REDIC1: variants seen among roughly 807,000 people sequenced by gnomAD.
REDIC1 encodes regulator of DNA class I crossover intermediates 1, also known as HEI10 Interacting Protein 1.
chr12:39,828,599 G>A, the REDIC1 span, among the ~76,000 whole-genome samples: 11 of 152,114 alleles, frequency 7.2e-5, no homozygotes, highest in East Asian at 9.7e-4. Context: ...TTACTACTTA[G>A]TAGAGTTCTA....
chr12:39,700,946 TGGAAA>T, the REDIC1 span, among the ~76,000 whole-genome samples: 1 of 151,866 alleles, frequency 6.6e-6, no homozygotes, highest in South Asian at 2.1e-4. Flanking sequence ...GCACTAAACA[TGGAAA>T]GGAACAACCG....
chr12:39,704,009 G>A, the REDIC1 span, among the ~76,000 whole-genome samples: 3 of 152,154 alleles, frequency 2.0e-5, no homozygotes, highest in Admixed American at 6.5e-5. Context: ...TCAGGACATA[G>A]GCATGGGCAA....
the REDIC1 span, among the ~76,000 whole-genome samples, chr12:39,796,833 T>G: frequency 6.6e-6 from 1 of 152,256 alleles, no homozygotes; most frequent in Admixed American, 6.5e-5. Flanking sequence ...TTAATAATGA[T>G]AATGCTGCCA....
At chr12:39,895,566 A>ACC in the REDIC1 span, among the ~76,000 whole-genome samples, 1 of 137,850 alleles carries the variant, frequency 7.3e-6, no homozygotes, top group African/African-American at 2.7e-5. Context: ...ACACACACAC[A>ACC]CGTGTATATG....
At chr12:39,764,311 G>A in the REDIC1 span, 618 of 649,014 alleles carry the variant, frequency 9.5e-4, 7 homozygotes, top group Middle Eastern at 5.8e-3. Flanking sequence ...ACACATTTCC[G>A]ATGCCTTTGG....
chr12:39,847,777 T>C, the REDIC1 span, among the ~76,000 whole-genome samples: 3 of 152,184 alleles, frequency 2.0e-5, no homozygotes, highest in African/African-American at 4.8e-5. Flanking sequence ...CCTACCATGA[T>C]TCCAAGTGGT....
the REDIC1 span, chr12:39,754,322 C>A: frequency 6.6e-6 from 1 of 152,022 alleles, no homozygotes; most frequent in Admixed American, 6.6e-5. Context: ...ATTCAGGTGT[C>A]CGTTATTCAG....
chr12:39,839,151 C>T, the REDIC1 span, among the ~76,000 whole-genome samples: 3 of 152,098 alleles, frequency 2.0e-5, no homozygotes, highest in African/African-American at 7.2e-5. Flanking sequence ...TCACCAGCTT[C>T]AGCAGGTGAC....
chr12:39,654,864 C>T, the REDIC1 span, among the ~76,000 whole-genome samples: 5 of 152,136 alleles, frequency 3.3e-5, no homozygotes, highest in African/African-American at 1.2e-4. Flanking sequence ...GGCATCTGCA[C>T]ATGGACTTTT....
chr12:39,836,451 C>T, the REDIC1 span, among the ~76,000 whole-genome samples: 2 of 152,044 alleles, frequency 1.3e-5, no homozygotes, highest in South Asian at 2.1e-4. Flanking sequence ...CCCTCTCTCA[C>T]CACTCCTATT....
chr12:39,880,376 T>C, the REDIC1 span, among the ~76,000 whole-genome samples: 2 of 152,218 alleles, frequency 1.3e-5, no homozygotes, highest in East Asian at 1.9e-4. Context: ...TTTTCAAACA[T>C]ATTTTCATGT....
the REDIC1 span, chr12:39,626,496 G>GT: frequency 9.0e-7 from 1 of 1,109,728 alleles, no homozygotes; most frequent in Non-Finnish European, 1.3e-6. Context: ...TCCAAATCGG[G>GT]TTGGAGACTC....
chr12:39,891,988 G>C, the REDIC1 span, among the ~76,000 whole-genome samples: 2 of 152,060 alleles, frequency 1.3e-5, no homozygotes, highest in Non-Finnish European at 2.9e-5. Context: ...TTTTTACTAG[G>C]TTTAATCAAG....
the REDIC1 span, among the ~76,000 whole-genome samples, chr12:39,890,913 C>A: frequency 3.9e-5 from 6 of 152,010 alleles, no homozygotes; most frequent in African/African-American, 1.5e-4. Context: ...GTACATATTA[C>A]ATAATTTTAA....
chr12:39,765,954 A>G, the REDIC1 span, among the ~76,000 whole-genome samples: 1 of 151,936 alleles, frequency 6.6e-6, no homozygotes, highest in African/African-American at 2.4e-5. Flanking sequence ...TTCAGCTCCC[A>G]ATTATATGTG....
the REDIC1 span, among the ~76,000 whole-genome samples, chr12:39,812,558 C>T: frequency 4.6e-5 from 7 of 151,814 alleles, no homozygotes; most frequent in East Asian, 3.9e-4. Flanking sequence ...CTGCAACCTC[C>T]GCCTCTGAGA....
At chr12:39,671,915 C>A in the REDIC1 span, among the ~76,000 whole-genome samples, 1 of 152,086 alleles carries the variant, frequency 6.6e-6, no homozygotes, top group South Asian at 2.1e-4. Flanking sequence ...CCTGGGGCAA[C>A]TGATGGAGTA....
the REDIC1 span, among the ~76,000 whole-genome samples, chr12:39,724,202 A>G: frequency 6.6e-6 from 1 of 152,116 alleles, no homozygotes; most frequent in Non-Finnish European, 1.5e-5. Flanking sequence ...TGGGCGGGAT[A>G]AGTCTTTGAA....
chr12:39,886,280 A>G, the REDIC1 span, among the ~76,000 whole-genome samples: 1 of 152,194 alleles, frequency 6.6e-6, no homozygotes, highest in Non-Finnish European at 1.5e-5. Context: ...ATGCGGGCAT[A>G]TTGACAGCGC....
Sources: gnomAD v4.1 joint callset for allele counts (sites outside exome capture counted in the v4.1 genomes callset) on GRCh38, gnomAD v4.1.1 for gene constraint, MANE v1.5 for transcripts, NCBI Gene and HGNC (gene_info 2026-07-23, HGNC 2026-07-21) for gene names.